The following TSPAN18 variants were observed in gnomAD, a reference collection of about 807,000 sequenced individuals.
The protein encoded by TSPAN18 is tetraspanin 18.
Under a neutral mutation model 27.3 loss-of-function variants are expected in TSPAN18, and 14 were observed. The ratio of observed to expected loss-of-function variants is 0.51; its 90% CI spans 0.34 to 0.80. The LOEUF is 0.80. Ranked by LOEUF, TSPAN18 falls within the 30% of genes least tolerant of loss-of-function variation. TSPAN18 has a pLI of 0.01. For missense variants in TSPAN18, 268 were observed against 323.9 expected, an observed-to-expected ratio of 0.83 and a Z score of 1.32; for synonymous variants, 143 against 136.5, an observed-to-expected ratio of 1.05 and a Z score of -0.33.
intron 2 of TSPAN18, among the ~76,000 whole-genome samples, chr11:44,779,616 A>G (rs1030019606): frequency 1.3e-5 from 2 of 152,146 alleles, no homozygotes; most frequent in Non-Finnish European, 2.9e-5. Context: ...ACACTGCTGC[A>G]TGCTATGCCT....
chr11:44,764,901 C>T (rs1237719182), intron 2 of TSPAN18, among the ~76,000 whole-genome samples: 2 of 152,166 alleles, frequency 1.3e-5, no homozygotes, highest in Non-Finnish European at 2.9e-5. Context: ...ATAAGGAGAT[C>T]GCTTCCTAGG....
intron 1 of TSPAN18, among the ~76,000 whole-genome samples, chr11:44,760,174 A>AAAGGGAG (rs1855419742): frequency 1.3e-5 from 2 of 152,234 alleles, no homozygotes; most frequent in Admixed American, 6.5e-5. Flanking sequence ...GTGTCTAGAC[A>AAAGGGAG]AAGGGAGGCC....
intron 2 of TSPAN18, among the ~76,000 whole-genome samples, 166 bp downstream of exon 2, chr11:44,764,678 G>T (rs1390945746): frequency 6.6e-6 from 1 of 152,154 alleles, no homozygotes; most frequent in African/African-American, 2.4e-5. Context: ...CTTCACTCTT[G>T]TCCTCACCCC....
At chr11:44,829,171 G>C (rs2045814409) in intron 2 of TSPAN18, among the ~76,000 whole-genome samples, 1 of 152,180 alleles carries the variant, frequency 6.6e-6, no homozygotes, top group African/African-American at 2.4e-5. Context: ...TGTTACAGTT[G>C]AACCAATACA....
At chr11:44,877,711 A>G (rs2135251416) in intron 3 of TSPAN18, among the ~76,000 whole-genome samples, 1 of 152,298 alleles carries the variant, frequency 6.6e-6, no homozygotes, top group East Asian at 1.9e-4. Flanking sequence ...CTTCGCCCAC[A>G]GCCCCTGTGA....
chr11:44,777,832 C>G (rs897318855), intron 2 of TSPAN18, among the ~76,000 whole-genome samples: 5 of 152,066 alleles, frequency 3.3e-5, no homozygotes, highest in African/African-American at 9.7e-5. Flanking sequence ...TTTAATTTAC[C>G]ATGCAGTTAT....
At chr11:44,876,331 C>T (rs1228070942) in intron 3 of TSPAN18, among the ~76,000 whole-genome samples, 1 of 152,172 alleles carries the variant, frequency 6.6e-6, no homozygotes, top group African/African-American at 2.4e-5. Context: ...GCGTCCCCAG[C>T]CTGGACACTG....
At chr11:44,885,129 C>A (rs1315400164) in intron 3 of TSPAN18, among the ~76,000 whole-genome samples, 1 of 152,054 alleles carries the variant, frequency 6.6e-6, no homozygotes, top group Non-Finnish European at 1.5e-5. Flanking sequence ...ATTATATGGC[C>A]CCTTATGGAA....
intron 3 of TSPAN18, among the ~76,000 whole-genome samples, chr11:44,880,159 A>G (rs1040139611): frequency 6.6e-6 from 1 of 152,218 alleles, no homozygotes; most frequent in Non-Finnish European, 1.5e-5. Context: ...AAAGGCACCC[A>G]TGACAGTGCC....
chr11:44,737,901 C>A (rs954138799), intron 1 of TSPAN18, among the ~76,000 whole-genome samples: 2 of 152,166 alleles, frequency 1.3e-5, no homozygotes, highest in Non-Finnish European at 2.9e-5. Context: ...CCCTGCATTA[C>A]CTCCTCCAGG....
rs2135384006 is a variant in TSPAN18, at chr11:44,926,533, C to G, written c.616-141C>G. ...CTGGGTCTCCTGCCCTGCACCCCCT[C>G]CCCACTGTCCTGTCTCAGCAGCCGT... On this transcript the variant is annotated intron_variant, in intron 8 of 9. Transcript: ENST00000520358. 7.9e-6 allele frequency: 6 copies of G among 754,810 alleles called. No individual in the cohort carries two copies. In the South Asian group the frequency reaches 9.6e-5, roughly 12 times the overall value. The allele number at this position is 754,810 out of a possible 1,614,324, so 46.8% of individuals were successfully genotyped here. A position where few individuals can be genotyped will look rare whatever the true frequency, so the allele number is the denominator to read the frequency against.
intron 2 of TSPAN18, among the ~76,000 whole-genome samples, chr11:44,804,308 G>A (rs1213972078): frequency 6.6e-6 from 1 of 152,206 alleles, no homozygotes; most frequent in African/African-American, 2.4e-5. Context: ...GGCCAGGCCG[G>A]TCTCGAACTC....
At chr11:44,826,149 G>C (rs775712961) in intron 2 of TSPAN18, among the ~76,000 whole-genome samples, 2 of 152,266 alleles carry the variant, frequency 1.3e-5, no homozygotes, top group Non-Finnish European at 2.9e-5. Flanking sequence ...AGGGCCGGAC[G>C]TGGTGGCTTA....
intron 3 of TSPAN18, among the ~76,000 whole-genome samples, chr11:44,898,925 G>C (rs559075084): frequency 6.6e-6 from 1 of 152,144 alleles, no homozygotes; most frequent in East Asian, 1.9e-4. Flanking sequence ...TGTTTTACAC[G>C]AAACAGTTGG....
At chr11:44,740,751 C>T (rs1210672956) in intron 1 of TSPAN18, among the ~76,000 whole-genome samples, 1 of 152,156 alleles carries the variant, frequency 6.6e-6, no homozygotes, top group African/African-American at 2.4e-5. Context: ...TCTTTAAGTC[C>T]AGTCTTGGTT....
At chr11:44,848,601 G>A (rs1434430770) in intron 2 of TSPAN18, among the ~76,000 whole-genome samples, 5 of 152,166 alleles carry the variant, frequency 3.3e-5, no homozygotes, top group Admixed American at 6.5e-5. Context: ...AGGAGGGGGC[G>A]GGGGAAGGGA....
intron 3 of TSPAN18, among the ~76,000 whole-genome samples, chr11:44,879,176 G>C (rs835838): frequency 0.43 from 65,566 of 152,054 alleles, 15,962 homozygotes; most frequent in East Asian, 0.74. Flanking sequence ...GGTGCTGCAC[G>C]TTTCAGCAGA....
intron 1 of TSPAN18, among the ~76,000 whole-genome samples, chr11:44,738,913 C>T (rs1174194939): frequency 1.3e-5 from 2 of 152,212 alleles, no homozygotes; most frequent in Non-Finnish European, 2.9e-5. Flanking sequence ...AGCTGCTGAA[C>T]AAGTATAGGA....
intron 2 of TSPAN18, among the ~76,000 whole-genome samples, chr11:44,817,312 C>T (rs1190129276): frequency 2.6e-5 from 4 of 152,170 alleles, no homozygotes; most frequent in Admixed American, 2.0e-4. Flanking sequence ...CAAAAGATTC[C>T]AAAGCTCAGT....
Sources: allele counts gnomAD v4.1 joint callset (sites outside exome capture counted in the v4.1 genomes callset), GRCh38; gene constraint gnomAD v4.1.1; transcripts MANE v1.5; gene names NCBI Gene and HGNC (gene_info 2026-07-23, HGNC 2026-07-21).